NLRP14: variants seen among roughly 807,000 people sequenced by gnomAD.
NLRP14 encodes NLR family pyrin domain containing 14.
In NLRP14, 105 loss-of-function variants were observed where a neutral mutation model predicts 94.7. The ratio of observed to expected loss-of-function variants is 1.11; its 90% CI spans 0.95 to 1.30. The LOEUF (loss-of-function observed/expected upper bound fraction) is 1.30. NLRP14 is among the 50% of genes most tolerant of loss of function. The pLI is 0.00. For missense variants in NLRP14, 1,362 were observed against 1,254.1 expected, an observed-to-expected ratio of 1.09 and a Z score of -1.30; for synonymous variants, 508 against 459.9, an observed-to-expected ratio of 1.10 and a Z score of -1.34.
chr11:7,079,564 A>T, the NLRP14 span, among the ~76,000 whole-genome samples: 1 of 152,274 alleles, frequency 6.6e-6, no homozygotes, highest in Non-Finnish European at 1.5e-5. Context: ...TAAGTAGTCT[A>T]GACCATGGGT....
At chr11:7,056,815 G>A (rs1852522562) in intron 6 of NLRP14, among the ~76,000 whole-genome samples, 1 of 151,974 alleles carries the variant, frequency 6.6e-6, no homozygotes, top group African/African-American at 2.4e-5. Flanking sequence ...TATTAGTTAT[G>A]GGTTAGTGCA....
At chr11:7,053,520 G>A (rs1852473528) in intron 6 of NLRP14, among the ~76,000 whole-genome samples, 1 of 150,280 alleles carries the variant, frequency 6.7e-6, no homozygotes, top group Admixed American at 6.7e-5. Context: ...ATGTCTACAG[G>A]AGAATTGTAG....
chr11:7,040,895 A>G (rs1032658694), intron 3 of NLRP14, among the ~76,000 whole-genome samples: 1 of 152,182 alleles, frequency 6.6e-6, no homozygotes, highest in African/African-American at 2.4e-5. Flanking sequence ...TTTTTGTTTT[A>G]TTATTATTTC....
At chr11:7,027,359 A>G (rs1250576121) in intron 1 of NLRP14, among the ~76,000 whole-genome samples, 2 of 152,084 alleles carry the variant, frequency 1.3e-5, no homozygotes, top group African/African-American at 4.8e-5. Context: ...GATTCAGTTT[A>G]GTGAGGGCCA....
intron 1 of NLRP14, among the ~76,000 whole-genome samples, chr11:7,032,263 T>A (rs1431847707): frequency 6.6e-6 from 1 of 152,216 alleles, no homozygotes; most frequent in Non-Finnish European, 1.5e-5. Context: ...TTTCTTTGCT[T>A]AGTTGTAATC....
chr11:7,062,416 A>G lies in NLRP14; in HGVS notation c.2888A>G (p.Asp963Gly), dbSNP rs1852637465. 6.2e-7 allele frequency: 1 copy of G among 1,613,238 alleles called. No homozygotes were observed. Among genetic ancestry groups the G allele is most frequent in the Middle Eastern group, 1.7e-4 (1 of 6,056 alleles). Residue 963 changes from aspartate to glycine, a missense_variant, in exon 10 of 12, where the codon GAC (aspartate) becomes GGC (glycine). Transcript: ENST00000299481. Reference sequence around the variant, plus strand: ...AATAACCCAAACCTGAGGAGCCTGGACCTTGGGAACAACGATTTGCAGGAT... The same window carrying G: ...AATAACCCAAACCTGAGGAGCCTGGGCCTTGGGAACAACGATTTGCAGGAT... The part of the protein sequence containing the change: ...ILNNPNLRSL[D>G]LGNNDLQDDG...
At chr11:7,036,485 A>G (rs770705342) in intron 1 of NLRP14, among the ~76,000 whole-genome samples, 1 of 152,202 alleles carries the variant, frequency 6.6e-6, no homozygotes, top group Non-Finnish European at 1.5e-5. Context: ...GTGTGGGATT[A>G]TGACAGCAAA....
At chr11:7,070,602 C>G in intron 11 of NLRP14, 146 bp downstream of exon 11, 2 of 630,372 alleles carry the variant, frequency 3.2e-6, no homozygotes, top group Admixed American at 2.7e-5. Flanking sequence ...TCATAGAACA[C>G]TGAATATTGA....
chr11:7,046,754 A>G lies in NLRP14; in HGVS notation c.2045A>G (p.His682Arg), dbSNP rs1198092140. 15 of 1,613,624 alleles carry G rather than the reference A, an allele frequency of 9.3e-6. No individual in the cohort carries two copies. The highest frequency in any genetic ancestry group is 1.2e-5 in the Non-Finnish European group (14 of 1,179,612). The part of the protein sequence containing the change: ...NEHLRELDLY[H>R]SNLDKSAMNI... ...CACTTGAGAGAATTGGACCTGTACC[A>G]TAGCAACCTTGATAAATCAGCAATG... The change falls in exon 5 of 12, where the codon CAT becomes CGT. Residue 682 changes from histidine (H) to arginine (R), a missense_variant. Physicochemically the swap from His to Arg is conservative, Grantham distance 29 (BLOSUM62 0). Coordinates refer to ENST00000299481, the MANE Select transcript of NLRP14 (RefSeq NM_176822.4).
At chr11:7,088,169 G>C in the NLRP14 span, among the ~76,000 whole-genome samples, 2 of 152,070 alleles carry the variant, frequency 1.3e-5, no homozygotes, top group Non-Finnish European at 2.9e-5. Flanking sequence ...CAGTATATAT[G>C]GAACATTAAT....
chr11:7,057,176 C>A (rs1852528337), intron 6 of NLRP14, among the ~76,000 whole-genome samples: 1 of 151,932 alleles, frequency 6.6e-6, no homozygotes, highest in African/African-American at 2.4e-5. Context: ...TCTTTAGAAA[C>A]AATTTTGTTT....
chr11:7,088,995 C>T, the NLRP14 span: 17 of 1,160,484 alleles, frequency 1.5e-5, no homozygotes, highest in African/African-American at 9.1e-5. Flanking sequence ...GCTGCGGTTC[C>T]GTGGACTCGG....
At chr11:7,064,644 G>A (rs146440684) in intron 10 of NLRP14, among the ~76,000 whole-genome samples, 239 of 152,048 alleles carry the variant, frequency 1.6e-3, no homozygotes, top group African/African-American at 5.3e-3. Flanking sequence ...CATACAAATG[G>A]GAGAGAGAGA....
At chr11:7,085,938 A>G in the NLRP14 span, among the ~76,000 whole-genome samples, 1 of 152,186 alleles carries the variant, frequency 6.6e-6, no homozygotes, top group South Asian at 2.1e-4. Flanking sequence ...TTTTTAAATT[A>G]ATTAATCTGT....
intron 10 of NLRP14, among the ~76,000 whole-genome samples, chr11:7,068,943 T>G (rs1053685590): frequency 2.6e-5 from 4 of 152,222 alleles, no homozygotes; most frequent in Non-Finnish European, 5.9e-5. Flanking sequence ...TGCCAGCTAC[T>G]GTGCCTGGGC....
At chr11:7,076,826 GTCT>G in the NLRP14 span, among the ~76,000 whole-genome samples, 2 of 152,118 alleles carry the variant, frequency 1.3e-5, no homozygotes, top group Non-Finnish European at 2.9e-5. Flanking sequence ...ACAGCACAGT[GTCT>G]TCTTGCACAT....
downstream of NLRP14, among the ~76,000 whole-genome samples, chr11:7,074,199 C>T (rs1050859967): frequency 1.3e-5 from 2 of 152,144 alleles, no homozygotes; most frequent in Non-Finnish European, 2.9e-5. Context: ...GAGAATAGAC[C>T]TTGGCAGTCA....
At chr11:7,041,574 T>C (rs1417473554) in intron 3 of NLRP14, among the ~76,000 whole-genome samples, 2 of 152,212 alleles carry the variant, frequency 1.3e-5, no homozygotes, top group Non-Finnish European at 2.9e-5. Context: ...TTCTCATTTT[T>C]TTATTGCACA....
chr11:7,070,989 A>G, intron 11 of NLRP14, among the ~76,000 whole-genome samples, 184 bp from the exon 12 acceptor site: 1 of 152,052 alleles, frequency 6.6e-6, no homozygotes, highest in East Asian at 1.9e-4. Flanking sequence ...TCTTCCTTCC[A>G]CTACTTTATC....
Sources: gnomAD v4.1 joint callset for allele counts (sites outside exome capture counted in the v4.1 genomes callset) on GRCh38, gnomAD v4.1.1 for gene constraint, MANE v1.5 for transcripts, NCBI Gene and HGNC (gene_info 2026-07-23, HGNC 2026-07-21) for gene names.